The following DGKI variants were observed in gnomAD, a reference collection of about 807,000 sequenced individuals.
The protein encoded by DGKI is diacylglycerol kinase iota, also known as DAG kinase iota.
A neutral mutation model predicts 147.5 loss-of-function variants in DGKI; 55 were observed. The observed-to-expected ratio is 0.37, with a 90% confidence interval of 0.30 to 0.47. The LOEUF (loss-of-function observed/expected upper bound fraction) is 0.47. Ranked by LOEUF, DGKI falls within the 20% of genes least tolerant of loss-of-function variation. The probability of loss-of-function intolerance (pLI) is 1.00; values close to 1 mark genes in which losing one functional copy is unlikely to be tolerated. For missense variants in DGKI, 1,007 were observed against 1,323.8 expected (o/e 0.76, Z 3.71); for synonymous variants, 469 against 477.1 (o/e 0.98, Z 0.22).
intron 27 of DGKI, among the ~76,000 whole-genome samples, chr7:137,450,217 T>C (rs572397639): frequency 1.3e-5 from 2 of 152,158 alleles, no homozygotes; most frequent in East Asian, 1.9e-4. Context: ...ATTTATGGTA[T>C]AGCATGCTGA....
chr7:137,733,101 G>A (rs1272617653), intron 1 of DGKI, among the ~76,000 whole-genome samples: 2 of 151,324 alleles, frequency 1.3e-5, no homozygotes, highest in Admixed American at 6.6e-5. Context: ...AACATAAAAT[G>A]TATCATTTAA....
intron 1 of DGKI, among the ~76,000 whole-genome samples, chr7:137,738,693 C>T (rs535066787): frequency 6.7e-6 from 1 of 150,224 alleles, no homozygotes; most frequent in South Asian, 2.1e-4. Context: ...TATGTGAACA[C>T]TTTTTTAGAA....
At chr7:137,792,345 A>G (rs576501731) in intron 1 of DGKI, among the ~76,000 whole-genome samples, 1 of 152,310 alleles carries the variant, frequency 6.6e-6, no homozygotes, top group South Asian at 2.1e-4. Flanking sequence ...GCAAAATGTG[A>G]CCCTATAATC....
chr7:137,782,393 C>G (rs1796545271), intron 1 of DGKI, among the ~76,000 whole-genome samples: 1 of 152,134 alleles, frequency 6.6e-6, no homozygotes, highest in Non-Finnish European at 1.5e-5. Context: ...GGGAACATAA[C>G]TCCATTGGCC....
intron 1 of DGKI, among the ~76,000 whole-genome samples, chr7:137,717,910 A>G (rs941913072): frequency 2.0e-5 from 3 of 152,194 alleles, no homozygotes; most frequent in African/African-American, 7.2e-5. Context: ...ACTTCCTTTT[A>G]GAATCCTTGT....
Position 137,391,364 on chromosome 7 carries a change from A to AAAG in DGKI, c.3058-29_3058-28insCTT, listed in dbSNP as rs1554394357. 376 of 1,438,642 alleles carry AAAG rather than the reference A, an allele frequency of 2.6e-4. 1 individual carries two copies. The African/African-American group carries it at 4.9e-3, about 19-fold the overall frequency. The allele number at this position is 1,438,642 out of a possible 1,614,324, so 89.1% of individuals were successfully genotyped here. On this transcript the variant is annotated intron_variant, in intron 32 of 32. Transcript: ENST00000614521. ...ATACGAAAATAGTGAGAAAAAAAAA[A>AAAG]AGAGAGAGAGAGATAGACACAAGCG...
rs1485258045 is a variant in DGKI at position 137,722,406 on chromosome 7, G to A, written c.402-32404C>T. ...CCTTCAGTCAGCACGTGAGAAAACT[G>A]CGAGCCAGCATTACCCCCGGGACCA... On this transcript the variant is annotated intron_variant, in intron 1 of 32. Transcript: ENST00000614521. The A allele has an allele frequency of 1.9e-6, 3 of 1,612,358 alleles. No individual in the cohort carries two copies. In the African/African-American group the frequency reaches 4.0e-5, roughly 22 times the overall value.
intron 10 of DGKI, among the ~76,000 whole-genome samples, chr7:137,608,063 A>G (rs544710646): frequency 2.6e-5 from 4 of 152,348 alleles, no homozygotes; most frequent in South Asian, 2.1e-4. Flanking sequence ...CTTTAGTAAT[A>G]AGAACATCAT....
chr7:137,526,261 G>C (rs569938448), intron 20 of DGKI, among the ~76,000 whole-genome samples: 1 of 152,132 alleles, frequency 6.6e-6, no homozygotes, highest in African/African-American at 2.4e-5. Flanking sequence ...TCTGCCACAA[G>C]ATACTGCCAT....
At chr7:137,661,372 C>T (rs558717669) in intron 3 of DGKI, among the ~76,000 whole-genome samples, 3 of 152,200 alleles carry the variant, frequency 2.0e-5, no homozygotes, top group South Asian at 2.1e-4. Flanking sequence ...CAAGGAATCA[C>T]CAGCTATGAG....
chr7:137,440,830 T>A (rs1813471415), intron 28 of DGKI, among the ~76,000 whole-genome samples: 1 of 152,208 alleles, frequency 6.6e-6, no homozygotes, highest in Admixed American at 6.5e-5. Flanking sequence ...TTATGTGTCA[T>A]TTAGACCTTG....
chr7:137,805,974 A>G (rs1373176892), intron 1 of DGKI, among the ~76,000 whole-genome samples: 1 of 152,204 alleles, frequency 6.6e-6, no homozygotes, highest in African/African-American at 2.4e-5. Flanking sequence ...GCTAAATAAT[A>G]CAGGCTGTAT....
chr7:137,577,149 CTAAG>C (rs1328505177), intron 17 of DGKI, 69 bp downstream of exon 17: 15 of 1,061,388 alleles, frequency 1.4e-5, no homozygotes, highest in Non-Finnish European at 2.1e-5. Context: ...AATATATAAA[CTAAG>C]TATTTGGGAG....
At chr7:137,716,173 G>A (rs750382439) in intron 1 of DGKI, among the ~76,000 whole-genome samples, 1 of 152,114 alleles carries the variant, frequency 6.6e-6, no homozygotes, top group Non-Finnish European at 1.5e-5. Context: ...TCTTATTCAC[G>A]ACTTTAATAG....
intron 1 of DGKI, among the ~76,000 whole-genome samples, chr7:137,796,408 G>A (rs1273196192): frequency 6.6e-6 from 1 of 152,060 alleles, no homozygotes; most frequent in Non-Finnish European, 1.5e-5. Context: ...GCTGAGGCAG[G>A]AGAATCACTT....
rs757077874 is a variant in DGKI, at chr7:137,395,657, G to A, written c.2998C>T (p.Arg1000Trp). Reference sequence around the variant, plus strand: ...TCCACCAGAAGCTGGCACACAGCCCGGTTCCGCTGGCAGGCAGCCTTGTGC... The same window carrying A: ...TCCACCAGAAGCTGGCACACAGCCCAGTTCCGCTGGCAGGCAGCCTTGTGC... ...ALHKAACQRNRAVCQLLVDAG... is the reference protein window; with the variant it reads ...ALHKAACQRNWAVCQLLVDAG... The change falls in exon 32 of 33, where the codon CGG becomes TGG. Residue 1000 changes from arginine (R) to tryptophan (W), a missense_variant. Transcript: ENST00000614521. 38 of 1,614,004 alleles carry A rather than the reference G, an allele frequency of 2.4e-5. No homozygotes were observed. Among genetic ancestry groups the A allele is most frequent in the South Asian group, 9.9e-5 (9 of 91,084 alleles).
chr7:137,590,684 G>A (rs706561), intron 12 of DGKI, among the ~76,000 whole-genome samples: 5 of 152,088 alleles, frequency 3.3e-5, no homozygotes, highest in Admixed American at 2.0e-4. Context: ...TCTATGAATC[G>A]ATGCTGTGTT....
intron 28 of DGKI, among the ~76,000 whole-genome samples, chr7:137,432,563 CCTATTAGATATATACT>C (rs1813122263): frequency 6.6e-6 from 1 of 152,002 alleles, no homozygotes; most frequent in East Asian, 1.9e-4. Context: ...TCACAATAAG[CCTATTAGATATATACT>C]CTTATTATTA....
chr7:137,647,078 C>T (rs1233504176), intron 5 of DGKI, among the ~76,000 whole-genome samples: 1 of 152,206 alleles, frequency 6.6e-6, no homozygotes, highest in Non-Finnish European at 1.5e-5. Context: ...AAAACAAAGA[C>T]ACAAGCTTAG....
Sources: gnomAD v4.1 joint callset for allele counts (sites outside exome capture counted in the v4.1 genomes callset) on GRCh38, gnomAD v4.1.1 for gene constraint, MANE v1.5 for transcripts, NCBI Gene and HGNC (gene_info 2026-07-23, HGNC 2026-07-21) for gene names.